The following ADGRV1 variants were observed in gnomAD, a reference collection of about 807,000 sequenced individuals.
ADGRV1 encodes G-protein coupled receptor 98.
ADGRV1 carries 359 observed loss-of-function variants against 596.2 expected under a neutral mutation model. That is an observed-to-expected ratio of 0.60 (90% confidence interval 0.55 to 0.66). The LOEUF is 0.66. ADGRV1 is among the 30% of genes least tolerant of loss of function. The probability of loss-of-function intolerance (pLI) is 0.00; values close to 1 mark genes in which losing one functional copy is unlikely to be tolerated. For synonymous variants in ADGRV1, 2,681 were observed against 2,679.2 expected, an observed-to-expected ratio of 1.00 and a Z score of -0.02; for missense variants, 7,274 against 7,575.6, an observed-to-expected ratio of 0.96 and a Z score of 1.48.
chr5:90,672,045 C>A (rs1205668236), intron 21 of ADGRV1, among the ~76,000 whole-genome samples: 1 of 152,152 alleles, frequency 6.6e-6, no homozygotes, highest in Non-Finnish European at 1.5e-5. Context: ...AAAATGATAC[C>A]ACCAAATATA....
intron 78 of ADGRV1, among the ~76,000 whole-genome samples, chr5:90,845,644 A>G (rs1016066616): frequency 3.3e-5 from 5 of 152,012 alleles, no homozygotes; most frequent in Non-Finnish European, 5.9e-5. Context: ...AAATCACCCA[A>G]ATATATCTGG....
chr5:90,817,729 T>A (rs1157379673), intron 75 of ADGRV1, among the ~76,000 whole-genome samples: 1 of 152,162 alleles, frequency 6.6e-6, no homozygotes. Context: ...GTTGTAGATA[T>A]GCGGCGTTAC....
chr5:90,937,720 G>C (rs1199085822), intron 83 of ADGRV1, among the ~76,000 whole-genome samples: 2 of 152,228 alleles, frequency 1.3e-5, no homozygotes, highest in Non-Finnish European at 2.9e-5. Flanking sequence ...GCCTCCCAAA[G>C]TGGCGGGATT....
At chr5:90,628,337 A>G (rs992502068) in intron 7 of ADGRV1, among the ~76,000 whole-genome samples, 1 of 152,174 alleles carries the variant, frequency 6.6e-6, no homozygotes, top group Non-Finnish European at 1.5e-5. Context: ...GCCTGAGTCC[A>G]TGAAGTTGAA....
chr5:90,716,021 A>G (rs931072695), intron 42 of ADGRV1, among the ~76,000 whole-genome samples: 5 of 152,130 alleles, frequency 3.3e-5, no homozygotes, highest in African/African-American at 9.7e-5. Flanking sequence ...TTTCTCTTAC[A>G]TTTTCTTAGT....
At chr5:90,680,752 T>C (rs761301755) in intron 26 of ADGRV1, among the ~76,000 whole-genome samples, 34 of 152,324 alleles carry the variant, frequency 2.2e-4, no homozygotes, top group Non-Finnish European at 4.3e-4. Context: ...ACATAAAATT[T>C]GAACATACTT....
At position 90,756,567 on chromosome 5, in the gene ADGRV1, A is replaced by T; in HGVS notation, c.11694A>T (p.Ile3898=). 6.2e-7 allele frequency: 1 copy of T among 1,613,784 alleles called. No homozygotes were observed. The highest frequency in any genetic ancestry group is 8.5e-7 in the Non-Finnish European group (1 of 1,179,696). Residue 3898 remains isoleucine, a synonymous_variant, in exon 56 of 90, where the codon ATA becomes ATT. Transcript: ENST00000405460. The part of the protein sequence containing the change: ...QPSVRRPGME[I]AEIMIEENDD... ...GTGTGCGGAGGCCCGGAATGGAAAT[A>T]GCTGAGATAATGATAGAAGAAAATG... is the stretch of plus-strand genomic sequence containing the variant.
rs368420512 is a variant in ADGRV1 at position 90,807,735 on chromosome 5, C to A, written c.14970C>A (p.Leu4990=). ...VQSSAPGGAQ[L]RSGFIVAEIE... is the part of the protein sequence containing the mutation. ...GCAGTGCTCCTGGCGGAGCTCAACTCCGGTAAGACCAACCTCATTCTCACC... is the reference window on the plus strand; with the variant it reads ...GCAGTGCTCCTGGCGGAGCTCAACTACGGTAAGACCAACCTCATTCTCACC... Residue 4990 remains leucine, a splice_region_variant and synonymous_variant, in exon 73 of 90, where the codon CTC becomes CTA. Transcript: ENST00000405460. 76 of 1,542,460 alleles carry A rather than the reference C, an allele frequency of 4.9e-5. No homozygotes were observed. Among genetic ancestry groups the A allele is most frequent in the Non-Finnish European group, 6.1e-5 (69 of 1,137,106 alleles).
intron 75 of ADGRV1, among the ~76,000 whole-genome samples, chr5:90,816,170 C>A (rs1762872356): frequency 6.6e-6 from 1 of 152,032 alleles, no homozygotes; most frequent in Non-Finnish European, 1.5e-5. Flanking sequence ...CATTTTGGGC[C>A]TAAATAATCT....
At chr5:90,733,092 G>T (rs1752762036) in intron 50 of ADGRV1, among the ~76,000 whole-genome samples, 2 of 152,210 alleles carry the variant, frequency 1.3e-5, no homozygotes, top group South Asian at 4.1e-4. Context: ...TTTAGCTGGG[G>T]TGAGAAATTA....
chr5:90,988,707 T>C (rs966378565), intron 85 of ADGRV1, among the ~76,000 whole-genome samples: 12 of 152,116 alleles, frequency 7.9e-5, no homozygotes, highest in Non-Finnish European at 1.5e-4. Context: ...TAGTTACATA[T>C]GTATACATGT....
At chr5:91,146,400 C>T (rs532091800) in intron 87 of ADGRV1, among the ~76,000 whole-genome samples, 9 of 152,244 alleles carry the variant, frequency 5.9e-5, no homozygotes, top group Middle Eastern at 6.8e-3. Flanking sequence ...CTGTCTGTGA[C>T]GAAAGCCCAG....
At chr5:90,819,052 T>C (rs1440745015) in intron 75 of ADGRV1, among the ~76,000 whole-genome samples, 1 of 152,184 alleles carries the variant, frequency 6.6e-6, no homozygotes, top group Non-Finnish European at 1.5e-5. Flanking sequence ...TCCTGGACTC[T>C]TTTTGGTTGG....
chr5:90,708,345 G>A (rs1439446172), intron 38 of ADGRV1, among the ~76,000 whole-genome samples: 1 of 151,498 alleles, frequency 6.6e-6, no homozygotes, highest in African/African-American at 2.4e-5. Flanking sequence ...TTATTGCCCC[G>A]TTATAGAGAT....
At chr5:90,559,837 C>G (rs994786308) in intron 1 of ADGRV1, among the ~76,000 whole-genome samples, 2 of 151,948 alleles carry the variant, frequency 1.3e-5, no homozygotes, top group African/African-American at 4.8e-5. Context: ...GTTTTTTCTC[C>G]CTTTGTGTGT....
chr5:90,794,295 G>T (rs111844265), intron 70 of ADGRV1, among the ~76,000 whole-genome samples: 5 of 152,182 alleles, frequency 3.3e-5, no homozygotes, highest in South Asian at 2.1e-4. Flanking sequence ...CAGAACCTTC[G>T]AGTGTCAACT....
intron 88 of ADGRV1, among the ~76,000 whole-genome samples, chr5:91,152,023 A>G (rs1411321767): frequency 6.6e-6 from 1 of 152,166 alleles, no homozygotes; most frequent in African/African-American, 2.4e-5. Flanking sequence ...AGAACACCCT[A>G]TGTTGGTAGG....
At chr5:91,099,675 G>A (rs1034893776) in intron 86 of ADGRV1, among the ~76,000 whole-genome samples, 2 of 152,166 alleles carry the variant, frequency 1.3e-5, no homozygotes, top group African/African-American at 4.8e-5. Context: ...AGAGGCCGAG[G>A]TGGGCAGATC....
At chr5:90,876,729 TAA>T (rs1388427876) in intron 83 of ADGRV1, among the ~76,000 whole-genome samples, 2 of 152,326 alleles carry the variant, frequency 1.3e-5, no homozygotes, top group East Asian at 3.9e-4. Flanking sequence ...GTTTGAGTCT[TAA>T]AGTAGCAGAA....
Sources: allele counts gnomAD v4.1 joint callset (sites outside exome capture counted in the v4.1 genomes callset), GRCh38; gene constraint gnomAD v4.1.1; transcripts MANE v1.5; gene names NCBI Gene and HGNC (gene_info 2026-07-23, HGNC 2026-07-21).